Variants in VAMP1 observed in about 807,000 individuals in gnomAD.
The protein encoded by VAMP1 is vesicle associated membrane protein 1, also known as vesicle-associated membrane protein 1.
Under a neutral mutation model 19.1 loss-of-function variants are expected in VAMP1, and 16 were observed. That is an observed-to-expected ratio of 0.84 (90% CI 0.57 to 1.27). VAMP1 has a LOEUF of 1.27. Among genes scored for constraint, VAMP1 ranks in the 50% most tolerant of loss-of-function variants. VAMP1 has a pLI of 0.00. For synonymous variants in VAMP1, 37 were observed against 50.2 expected (o/e 0.74, Z 1.11); for missense variants, 109 against 145.4 (o/e 0.75, Z 1.29).
Position 6,470,562 on chromosome 12 carries a change from C to G in VAMP1, c.-31G>C. The G allele has an allele frequency of 6.2e-7, 1 of 1,613,872 alleles. No homozygotes were observed. The highest frequency in any genetic ancestry group is 8.5e-7 in the Non-Finnish European group (1 of 1,179,814). On this transcript the variant is annotated 5_prime_UTR_variant, in exon 1 of 5. Coordinates refer to ENST00000396308, the MANE Select transcript of VAMP1 (RefSeq NM_014231.5). ...TGACAGAGAGAGTGAGGGTCTGTTC[C>G]TCTCCGGAGGCTGCGGCGAGACACC...
intron 1 of VAMP1, among the ~76,000 whole-genome samples, chr12:6,467,687 C>G (rs1194169380): frequency 1.3e-5 from 2 of 152,234 alleles, no homozygotes; most frequent in Admixed American, 6.5e-5. Flanking sequence ...ATGTCAGAAG[C>G]CTTCATAGCA....
In VAMP1 at chr12:6,463,473, C is replaced by T; in HGVS notation, c.*997G>A. 1.9e-6 allele frequency: 2 copies of T among 1,043,330 alleles called. No individual in the cohort carries two copies. The highest frequency in any genetic ancestry group is 6.3e-5 in the South Asian group (2 of 31,672). The allele number at this position is 1,043,330 out of a possible 1,614,324, so 64.6% of individuals were successfully genotyped here. On this transcript the variant is annotated 3_prime_UTR_variant, in exon 5 of 5. Coordinates refer to ENST00000396308, the MANE Select transcript of VAMP1 (RefSeq NM_014231.5). The surrounding 1 kb of genome is among the most constrained non-coding windows in gnomAD (Gnocchi z 4.0). Reference sequence around the variant, plus strand: ...TCCATGGGTGTCCAAAGATCTCACACTGCTAACACCCTCACGCTCCTTCAT... The same window carrying T: ...TCCATGGGTGTCCAAAGATCTCACATTGCTAACACCCTCACGCTCCTTCAT...
At chr12:6,466,104 T>C (rs1950017957) in intron 2 of VAMP1, 104 bp from the exon 3 acceptor site, 16 of 1,610,616 alleles carry the variant, frequency 9.9e-6, no homozygotes, top group African/African-American at 1.3e-5. Context: ...CTCTAAAGGG[T>C]GCTTTGCCTC....
At position 6,470,667 on chromosome 12, in the gene VAMP1, T is replaced by A. The variant is rs1026952920; in HGVS notation, c.-136A>T. The A allele has an allele frequency of 1.2e-4, 133 of 1,132,462 alleles. No individual in the cohort carries two copies. Among genetic ancestry groups the A allele is most frequent in the Admixed American group, 2.0e-5 (1 of 50,342 alleles). 70.2% of individuals were successfully genotyped at this position (1,132,462 alleles called of 1,614,324 possible). ...CGACTACCCCGCGGTCTAGCTGCGC[T>A]GGAACTTACTGCAGCTGCCGCGCCG... On this transcript the variant is annotated 5_prime_UTR_variant, in exon 1 of 5. Coordinates refer to ENST00000396308, the MANE Select transcript of VAMP1 (RefSeq NM_014231.5).
In VAMP1 at chr12:6,465,935, C is replaced by T. The variant is rs536531651; in HGVS notation, c.195G>A (p.Leu65=). The T allele has an allele frequency of 1.2e-6, 2 of 1,614,270 alleles. No homozygotes were observed. Among genetic ancestry groups the T allele is most frequent in the African/African-American group, 2.7e-5 (2 of 75,068 alleles). ...CCTGCAAGGCATCAGCTCGGTCATC[C>T]AGCTCTGACAGCTTCTGGTCCCTCT... ...VLERDQKLSE[L]DDRADALQAG... Residue 65 remains leucine, a synonymous_variant, in exon 3 of 5, where the codon CTG becomes CTA. Coordinates refer to ENST00000396308, the MANE Select transcript of VAMP1 (RefSeq NM_014231.5).
intron 3 of VAMP1, 122 bp from the exon 4 acceptor site, chr12:6,465,063 C>G: frequency 6.9e-7 from 1 of 1,457,214 alleles, no homozygotes; most frequent in Non-Finnish European, 9.3e-7. Context: ...ACCCATCACC[C>G]AGGAGACCTG....
At position 6,463,715 on chromosome 12, in the gene VAMP1, G is replaced by A. The variant is rs865953945; in HGVS notation, c.*755C>T. The A allele has an allele frequency of 7.8e-6, 9 of 1,151,050 alleles. No individual in the cohort carries two copies. Among genetic ancestry groups the A allele is most frequent in the Middle Eastern group, 8.0e-4 (2 of 2,506 alleles). The allele number at this position is 1,151,050 out of a possible 1,614,324, so 71.3% of individuals were successfully genotyped here. On this transcript the variant is annotated 3_prime_UTR_variant, in exon 5 of 5. Transcript: ENST00000396308. This position sits in a 1 kb window ranked among gnomAD's most constrained non-coding sequence, Gnocchi z 4.0. ...TTTATTTGGTGCCCTCATACAGAAT[G>A]CTGTAGAAAATGTAAAGAAGAGAAA...
chr12:6,465,991 T>A lies in VAMP1; in HGVS notation c.139A>T (p.Ile47Phe). 6.2e-7 allele frequency: 1 copy of A among 1,614,238 alleles called. No individual in the cohort carries two copies. Among genetic ancestry groups the A allele is most frequent in the Non-Finnish European group, 8.5e-7 (1 of 1,180,034 alleles). ...TQAQVEEVVD[I>F]IRVNVDKVLE... ...ACCTTGTCCACGTTCACACGTATGA[T>A]GTCCACCACCTGAGGAGGGCACAGA... Residue 47 changes from isoleucine to phenylalanine, a missense_variant, in exon 3 of 5, where the codon ATC becomes TTC. Physicochemically the swap from Ile to Phe is conservative, Grantham distance 21. Transcript: ENST00000396308.
rs1162212493 is a variant in VAMP1, at chr12:6,462,442, G to A, written c.*2028C>T. Reference sequence around the variant, plus strand: ...CATGGCAAACCGAAGAACGGGATGTGGGAAGCTCAGCTTCATTTGACTGCA... The same window carrying A: ...CATGGCAAACCGAAGAACGGGATGTAGGAAGCTCAGCTTCATTTGACTGCA... On this transcript the variant is annotated 3_prime_UTR_variant, in exon 5 of 5. Transcript: ENST00000396308. 1.4e-5 allele frequency: 7 copies of A among 492,528 alleles called. No homozygotes were observed. The highest frequency in any genetic ancestry group is 2.2e-5 in the Non-Finnish European group (6 of 276,842). The allele number at this position is 492,528 out of a possible 1,614,324, so 30.5% of individuals were successfully genotyped here.
At chr12:6,464,560 C>G in intron 4 of VAMP1, 74 bp from the exon 5 acceptor site, 1 of 1,464,508 alleles carries the variant, frequency 6.8e-7, no homozygotes, top group Non-Finnish European at 9.0e-7. Flanking sequence ...TGAATTACAC[C>G]AAGTTACCAG....
chr12:6,464,344 T>C lies in VAMP1; in HGVS notation c.*126A>G, dbSNP rs1259295891. ...AATGAACGCAACGAAAAAGGAGGAA[T>C]GGGTGATGGAGAAGCCTGGGCTGGA... is the stretch of plus-strand genomic sequence containing the variant. On this transcript the variant is annotated 3_prime_UTR_variant, in exon 5 of 5. Coordinates refer to ENST00000396308, the MANE Select transcript of VAMP1 (RefSeq NM_014231.5). 2.6e-6 allele frequency: 4 copies of C among 1,550,408 alleles called. No individual in the cohort carries two copies. Among genetic ancestry groups the C allele is most frequent in the Non-Finnish European group, 3.5e-6 (4 of 1,146,500 alleles).
At position 6,462,822 on chromosome 12, in the gene VAMP1, T is replaced by G. The variant is rs1349086588; in HGVS notation, c.*1648A>C. Reference sequence around the variant, plus strand: ...CGTTGGGAGGGTACTGACTGCTTTCTTCCAGCTCTTCAGTCCCGCCCTTGG... The same window carrying G: ...CGTTGGGAGGGTACTGACTGCTTTCGTCCAGCTCTTCAGTCCCGCCCTTGG... On this transcript the variant is annotated 3_prime_UTR_variant, in exon 5 of 5. Coordinates refer to ENST00000396308, the MANE Select transcript of VAMP1 (RefSeq NM_014231.5). 6.2e-7 allele frequency: 1 copy of G among 1,604,686 alleles called. No individual in the cohort carries two copies. Among genetic ancestry groups the G allele is most frequent in the Admixed American group, 1.7e-5 (1 of 58,790 alleles).
At chr12:6,465,018 G>T (rs1949970071) in intron 3 of VAMP1, 77 bp from the exon 4 acceptor site, 1 of 1,595,790 alleles carries the variant, frequency 6.3e-7, no homozygotes, top group East Asian at 2.2e-5. Context: ...GTGGGAAACA[G>T]AATTCCTTCC....
rs758768912 is a variant in VAMP1, at chr12:6,464,145, C to T, written c.*325G>A. 9 of 1,389,556 alleles carry T rather than the reference C, an allele frequency of 6.5e-6. No homozygotes were observed. The Admixed American group carries it at 1.1e-4, about 17-fold the overall frequency. 86.1% of individuals were successfully genotyped at this position (1,389,556 alleles called of 1,614,324 possible). Reference sequence around the variant, plus strand: ...AGTCTGGGCAGCTTCATGGGTACTTCGCCTCAGCCACTCCCCTCCCTGCCC... The same window carrying T: ...AGTCTGGGCAGCTTCATGGGTACTTTGCCTCAGCCACTCCCCTCCCTGCCC... On this transcript the variant is annotated 3_prime_UTR_variant, in exon 5 of 5. Transcript: ENST00000396308.
chr12:6,469,752 G>A (rs1945722068), intron 1 of VAMP1, among the ~76,000 whole-genome samples: 2 of 152,198 alleles, frequency 1.3e-5, no homozygotes, highest in Admixed American at 6.5e-5. Context: ...TTGTTTAGCC[G>A]TAGTTTTCCC....
rs952148697 is a variant in VAMP1, at chr12:6,462,410, A to G, written c.*2060T>C. The G allele has an allele frequency of 1.2e-5, 6 of 502,308 alleles. No homozygotes were observed. The highest frequency in any genetic ancestry group is 9.6e-5 in the African/African-American group (5 of 51,918). 31.1% of individuals were successfully genotyped at this position (502,308 alleles called of 1,614,324 possible). ...GACAGACACACAGTGGAAACCCCAC[A>G]TCGTCTCATGGCAAACCGAAGAACG... is the stretch of plus-strand genomic sequence containing the variant. On this transcript the variant is annotated 3_prime_UTR_variant, in exon 5 of 5. Transcript: ENST00000396308.
intron 3 of VAMP1, chr12:6,465,336 GA>G (rs775917062): frequency 3.1e-5 from 9 of 290,076 alleles, no homozygotes; most frequent in South Asian, 2.3e-4. Flanking sequence ...TGAGAAAGCT[GA>G]TTTAAAAGAA....
chr12:6,470,455 C>T, intron 1 of VAMP1, 75 bp downstream of exon 1: 1 of 1,605,952 alleles, frequency 6.2e-7, no homozygotes, highest in South Asian at 1.1e-5. Context: ...GCGCCATTTT[C>T]CGTCCCGCAG....
intron 1 of VAMP1, among the ~76,000 whole-genome samples, chr12:6,468,599 C>CA (rs1264401817): frequency 6.6e-6 from 1 of 151,592 alleles, no homozygotes; most frequent in African/African-American, 2.4e-5. Flanking sequence ...CTGGATTTGA[C>CA]AGTCTCAGAT....
Sources: allele counts gnomAD v4.1 joint callset (sites outside exome capture counted in the v4.1 genomes callset), GRCh38; gene constraint gnomAD v4.1.1; non-coding constraint Gnocchi (gnomAD v3.1); transcripts MANE v1.5; gene names NCBI Gene and HGNC (gene_info 2026-07-23, HGNC 2026-07-21).